ADGRG1: variants seen among roughly 807,000 people sequenced by gnomAD.
ADGRG1 encodes the protein 7-transmembrane protein with no EGF-like N-terminal domains-1.
ADGRG1 carries 53 observed loss-of-function variants against 73.5 expected under a neutral mutation model. The observed-to-expected ratio is 0.72, with a 90% confidence interval of 0.58 to 0.91. ADGRG1 has a LOEUF of 0.91. ADGRG1 is among the 40% of genes least tolerant of loss of function. ADGRG1 has a pLI of 0.00. For missense variants in ADGRG1, 795 were observed against 871.8 expected, an observed-to-expected ratio of 0.91 and a Z score of 1.11; for synonymous variants, 394 against 374.4, an observed-to-expected ratio of 1.05 and a Z score of -0.60.
chr16:57,657,662 A>G (rs1384028543), intron 10 of ADGRG1, among the ~76,000 whole-genome samples, 171 bp downstream of exon 10: 1 of 152,226 alleles, frequency 6.6e-6, no homozygotes, highest in Non-Finnish European at 1.5e-5. Context: ...TCTCCTCCTC[A>G]GATCAGTGGT....
At chr16:57,653,543 C>T (rs2044675491) in intron 4 of ADGRG1, 1 of 985,276 alleles carries the variant, frequency 1.0e-6, no homozygotes, top group Non-Finnish European at 1.2e-6. Context: ...ACATCACATC[C>T]ACCATCCCAA....
At chr16:57,628,414 C>T (rs2036328713), upstream of ADGRG1, 1 of 577,968 alleles carries the variant, frequency 1.7e-6, no homozygotes, top group Non-Finnish European at 2.2e-6. Flanking sequence ...AGGGGTGAGG[C>T]TGAGGTGCCC....
intron 1 of ADGRG1, chr16:57,633,960 C>A: frequency 2.3e-6 from 1 of 435,154 alleles, no homozygotes. Context: ...TGAGACCTGA[C>A]CCAGGTTTTG....
At chr16:57,641,092 C>T (rs776239163) in intron 1 of ADGRG1, 15 of 973,732 alleles carry the variant, frequency 1.5e-5, no homozygotes, top group Non-Finnish European at 1.8e-5. Flanking sequence ...CTGTAGGCAT[C>T]CTGAAGCCTG....
chr16:57,660,711 G>A, intron 11 of ADGRG1, 57 bp from the exon 12 acceptor site: 1 of 1,471,958 alleles, frequency 6.8e-7, no homozygotes, highest in African/African-American at 1.4e-5. Flanking sequence ...GAGGCCAGCA[G>A]GGAATGGGCA....
At chr16:57,644,842 C>G (rs1339128246) in intron 1 of ADGRG1, among the ~76,000 whole-genome samples, 2 of 146,942 alleles carry the variant, frequency 1.4e-5, no homozygotes, top group Non-Finnish European at 3.0e-5. Context: ...TGATCACACT[C>G]ATGCAGGGCA....
intron 12 of ADGRG1, 34 bp from the exon 13 acceptor site, chr16:57,661,663 G>T (rs2148600339): frequency 1.2e-6 from 2 of 1,600,558 alleles, no homozygotes; most frequent in Non-Finnish European, 1.7e-6. Flanking sequence ...GCCCGTGCTG[G>T]CCACACGCTG....
At chr16:57,636,453 T>C in intron 1 of ADGRG1, 1 of 985,286 alleles carries the variant, frequency 1.0e-6, no homozygotes, top group Non-Finnish European at 1.2e-6. Flanking sequence ...ATGCACAGTC[T>C]TGGGAACCGT....
Position 57,656,544 on chromosome 16 carries a change from G to A in ADGRG1, c.1094G>A (p.Gly365Glu), listed in dbSNP as rs2045785302. The A allele has an allele frequency of 1.2e-6, 2 of 1,613,694 alleles. No homozygotes were observed. The highest frequency in any genetic ancestry group is 1.7e-6 in the Non-Finnish European group (2 of 1,179,744). ...LSSPGHWSSA[G>E]CETVRRETQT... is the part of the protein sequence containing the mutation. ...AGCCCGGGGCATTGGAGCAGTGCTG[G>A]GTGTGAGACCGTCAGGAGAGAAACC... Residue 365 changes from glycine (G) to glutamate (E), a missense_variant, in exon 9 of 14, where the codon GGG becomes GAG. Gly to Glu is a moderately conservative substitution (Grantham distance 98). Transcript: ENST00000562631.
In ADGRG1 at chr16:57,628,917, A is replaced by AGTGAGT. The variant is rs1270499487; in HGVS notation, c.-36+133_-36+138dup. The AGTGAGT allele has an allele frequency of 8.1e-6, 6 of 739,528 alleles. No individual in the cohort carries two copies. In the South Asian group the frequency reaches 1.9e-4, roughly 23 times the overall value. The allele number at this position is 739,528 out of a possible 1,614,324, so 45.8% of individuals were successfully genotyped here. ...GAGTGTGTGAGTGTGAGTGTGTGAGAGTGAGTGTGAGTGTGAGTGTGAGCG... is the reference window on the plus strand; with the variant it reads ...GAGTGTGTGAGTGTGAGTGTGTGAGAGTGAGTGTGAGTGTGAGTGTGAGTGTGAGCG... On this transcript the variant is annotated intron_variant, in intron 1 of 13. Transcript: ENST00000562631.
At chr16:57,656,746 A>G in intron 9 of ADGRG1, 129 bp downstream of exon 9, 2 of 742,636 alleles carry the variant, frequency 2.7e-6, no homozygotes, top group Non-Finnish European at 5.0e-6. Context: ...TTGTTGTCCC[A>G]TTTTATAGAT....
At chr16:57,633,576 T>A (rs2038568548) in intron 1 of ADGRG1, 1 of 905,682 alleles carries the variant, frequency 1.1e-6, no homozygotes, top group Admixed American at 6.2e-5. Flanking sequence ...CCTGATTCTG[T>A]CCCAGCTCTA....
chr16:57,622,640 T>C (rs1298525542), intron 2 of ADGRG1: 4 of 333,450 alleles, frequency 1.2e-5, no homozygotes, highest in Non-Finnish European at 1.7e-5. Flanking sequence ...TGCTCTGGGC[T>C]CAGGGGCTTC....
chr16:57,631,181 G>C, intron 1 of ADGRG1: 1 of 986,516 alleles, frequency 1.0e-6, no homozygotes, highest in African/African-American at 1.7e-5. Context: ...GCCCAGTCGA[G>C]GGGAAGGACA....
chr16:57,633,455 C>A, intron 1 of ADGRG1: 1 of 985,384 alleles, frequency 1.0e-6, no homozygotes. Flanking sequence ...TCATGAGACG[C>A]AGACCCTGTC....
At chr16:57,657,598 C>CTG in intron 10 of ADGRG1, 107 bp downstream of exon 10, 1 of 894,864 alleles carries the variant, frequency 1.1e-6, no homozygotes, top group Non-Finnish European at 1.9e-6. Flanking sequence ...TGACCTGGAA[C>CTG]TGTGTGTGTG....
chr16:57,663,086 G>A, intron 13 of ADGRG1: 2 of 985,004 alleles, frequency 2.0e-6, no homozygotes, highest in Non-Finnish European at 2.4e-6. Context: ...ATTAATTTGA[G>A]GGGTGCAAAA....
intron 1 of ADGRG1, chr16:57,631,652 G>A (rs2037948678): frequency 1.0e-6 from 1 of 985,500 alleles, no homozygotes; most frequent in Non-Finnish European, 1.2e-6. Flanking sequence ...GCAGTCAGGG[G>A]TGACCAGACA....
intron 1 of ADGRG1, chr16:57,648,578 G>A (rs2043244241): frequency 2.0e-6 from 2 of 984,264 alleles, no homozygotes; most frequent in African/African-American, 3.5e-5. Flanking sequence ...TTGAGCTCCT[G>A]CCTGGGACAC....
Sources: allele counts gnomAD v4.1 joint callset (sites outside exome capture counted in the v4.1 genomes callset), GRCh38; gene constraint gnomAD v4.1.1; transcripts MANE v1.5; gene names NCBI Gene and HGNC (gene_info 2026-07-23, HGNC 2026-07-21).